The following KDM4C variants were observed in gnomAD, a reference collection of about 807,000 sequenced individuals.
KDM4C encodes the protein lysine demethylase 4C.
In KDM4C, 81 loss-of-function variants were observed where a neutral mutation model predicts 129.3. The observed-to-expected ratio is 0.63, with a 90% confidence interval of 0.52 to 0.75. The LOEUF (loss-of-function observed/expected upper bound fraction) is 0.75. Among genes scored for constraint, KDM4C ranks in the 30% least tolerant of loss-of-function variants. The pLI is 0.00. For missense variants in KDM4C, 1,457 were observed against 1,304.0 expected (o/e 1.12, Z -1.81); for synonymous variants, 573 against 456.1 (o/e 1.26, Z -3.26).
At chr9:6,743,690 T>C (rs1817779054) in intron 1 of KDM4C, among the ~76,000 whole-genome samples, 1 of 152,048 alleles carries the variant, frequency 6.6e-6, no homozygotes, top group Non-Finnish European at 1.5e-5. Context: ...TGTATTTTAG[T>C]AGAGACAGGG....
intron 17 of KDM4C, among the ~76,000 whole-genome samples, chr9:7,080,825 C>T (rs375158126): frequency 4.6e-5 from 7 of 152,200 alleles, no homozygotes; most frequent in Middle Eastern, 3.4e-3. Context: ...ATTCAAGGCG[C>T]GTTATAGTCT....
In KDM4C at chr9:7,170,948, A is replaced by C. The variant is rs180894441; in HGVS notation, c.2994+1058A>C. ...AAAAAAAAAAAAAAAGCAAAAAAAA[A>C]CTCATAATGTTTTAAGCAAGTTTAC... On this transcript the variant is annotated intron_variant, in intron 21 of 21. Transcript: ENST00000381309. 4.8e-4 allele frequency: 97 copies of C among 202,162 alleles called. No individual in the cohort carries two copies. In the East Asian group the frequency reaches 7.2e-3, roughly 15 times the overall value. 12.5% of individuals were successfully genotyped at this position (202,162 alleles called of 1,614,324 possible).
chr9:6,838,270 C>A (rs1836247561), intron 4 of KDM4C, among the ~76,000 whole-genome samples: 2 of 152,144 alleles, frequency 1.3e-5, no homozygotes, highest in Non-Finnish European at 2.9e-5. Flanking sequence ...GCTTGAGGGG[C>A]TGGTCTGAAC....
intron 17 of KDM4C, among the ~76,000 whole-genome samples, chr9:7,087,220 G>A (rs1372758034): frequency 6.6e-6 from 1 of 151,288 alleles, no homozygotes; most frequent in African/African-American, 2.4e-5. Flanking sequence ...AACTCAGAAA[G>A]AGACATTACT....
At chr9:6,943,265 A>G (rs188658841) in intron 8 of KDM4C, among the ~76,000 whole-genome samples, 234 of 152,314 alleles carry the variant, frequency 1.5e-3, no homozygotes, top group African/African-American at 5.5e-3. Flanking sequence ...GTTAACTACA[A>G]AAATATTTAT....
intron 1 of KDM4C, among the ~76,000 whole-genome samples, chr9:6,729,513 C>T (rs903578149): frequency 2.2e-5 from 3 of 133,570 alleles, no homozygotes; most frequent in African/African-American, 9.6e-5. Context: ...CGCCACTGCA[C>T]TCCAGCTTGG....
At chr9:7,128,293 A>G in intron 19 of KDM4C, 57 bp downstream of exon 19, 2 of 1,352,436 alleles carry the variant, frequency 1.5e-6, no homozygotes, top group East Asian at 2.7e-5. Context: ...AAAAAACCAA[A>G]GTAACTGAGC....
At chr9:7,010,996 A>G (rs565747567) in intron 12 of KDM4C, among the ~76,000 whole-genome samples, 23 of 152,232 alleles carry the variant, frequency 1.5e-4, no homozygotes, top group Non-Finnish European at 2.5e-4. Flanking sequence ...GTGAGCTGAG[A>G]TTGCACCATT....
chr9:6,849,947 A>G (rs1838535841), intron 5 of KDM4C, among the ~76,000 whole-genome samples: 1 of 152,230 alleles, frequency 6.6e-6, no homozygotes, highest in African/African-American at 2.4e-5. Flanking sequence ...TGGACCACAG[A>G]TACAACGGTC....
chr9:7,025,704 C>G (rs1320260080), intron 15 of KDM4C, among the ~76,000 whole-genome samples: 1 of 152,168 alleles, frequency 6.6e-6, no homozygotes, highest in Non-Finnish European at 1.5e-5. Context: ...GTTTATATCT[C>G]ATTATAATTT....
At chr9:6,921,330 C>G (rs1042282330) in intron 8 of KDM4C, among the ~76,000 whole-genome samples, 16 of 152,168 alleles carry the variant, frequency 1.1e-4, no homozygotes, top group African/African-American at 3.9e-4. Flanking sequence ...TTCACACGTC[C>G]GCTTGGATGT....
At chr9:6,901,623 G>A (rs546490431) in intron 8 of KDM4C, among the ~76,000 whole-genome samples, 1 of 152,144 alleles carries the variant, frequency 6.6e-6, no homozygotes, top group Non-Finnish European at 1.5e-5. Flanking sequence ...TTTATGTCCT[G>A]TGGCCAACTG....
intron 18 of KDM4C, among the ~76,000 whole-genome samples, chr9:7,106,142 T>C (rs1432863377): frequency 2.6e-5 from 4 of 152,236 alleles, no homozygotes; most frequent in Non-Finnish European, 4.4e-5. Flanking sequence ...TACGGATTCC[T>C]CCCCAAAGTG....
intron 17 of KDM4C, among the ~76,000 whole-genome samples, chr9:7,083,760 C>G (rs1834812362): frequency 8.9e-6 from 1 of 112,058 alleles, no homozygotes; most frequent in African/African-American, 4.0e-5. Context: ...AAGGTGATTG[C>G]ATTGTTTAAA....
intron 18 of KDM4C, among the ~76,000 whole-genome samples, chr9:7,114,698 T>G (rs59299770): frequency 0.04 from 6,105 of 152,258 alleles, 362 homozygotes; most frequent in African/African-American, 0.14. Context: ...AGGTGAAACT[T>G]GTCAGTGCTC....
At chr9:6,962,997 G>A (rs1830280946) in intron 8 of KDM4C, among the ~76,000 whole-genome samples, 2 of 152,138 alleles carry the variant, frequency 1.3e-5, no homozygotes, top group African/African-American at 2.4e-5. Context: ...TAAAATTTGA[G>A]CCAGTAATGT....
chr9:6,986,310 A>T lies in KDM4C; in HGVS notation c.1355-34A>T, dbSNP rs147447613. On this transcript the variant is annotated intron_variant, in intron 10 of 21. Transcript: ENST00000381309. Reference sequence around the variant, plus strand: ...ATTCTACTTAGTAGTAATACAGTGCATGATTTATTAACAGTCTTCTGTTTT... The same window carrying T: ...ATTCTACTTAGTAGTAATACAGTGCTTGATTTATTAACAGTCTTCTGTTTT... The T allele has an allele frequency of 9.0e-6, 13 of 1,448,892 alleles. No homozygotes were observed. The African/African-American group carries it at 1.5e-4, about 17-fold the overall frequency. 89.8% of individuals were successfully genotyped at this position (1,448,892 alleles called of 1,614,324 possible).
At chr9:6,726,642 C>T (rs1268368753) in intron 1 of KDM4C, 2 of 152,350 alleles carry the variant, frequency 1.3e-5, no homozygotes, top group Non-Finnish European at 2.9e-5. Flanking sequence ...ATACCTCCTC[C>T]TCCTCCAAGG....
At chr9:6,730,808 C>T (rs1008705808) in intron 1 of KDM4C, among the ~76,000 whole-genome samples, 1 of 152,110 alleles carries the variant, frequency 6.6e-6, no homozygotes, top group Non-Finnish European at 1.5e-5. Flanking sequence ...TTCGTTACAG[C>T]TCCGCGTTTG....
Sources: gnomAD v4.1 joint callset for allele counts (sites outside exome capture counted in the v4.1 genomes callset) on GRCh38, gnomAD v4.1.1 for gene constraint, MANE v1.5 for transcripts, NCBI Gene and HGNC (gene_info 2026-07-23, HGNC 2026-07-21) for gene names.